The following HSF2 variants were observed in gnomAD, a reference collection of about 807,000 sequenced individuals.
HSF2 encodes heat shock transcription factor 2.
A neutral mutation model predicts 65.0 loss-of-function variants in HSF2; 21 were observed. The observed-to-expected ratio is 0.32, with a 90% confidence interval of 0.23 to 0.47. The LOEUF (loss-of-function observed/expected upper bound fraction) is 0.47, where lower values mean the gene tolerates loss of function less well. HSF2 is among the 20% of genes least tolerant of loss of function. HSF2 has a pLI of 1.00. For synonymous variants in HSF2, 225 were observed against 219.1 expected (o/e 1.03, Z -0.24); for missense variants, 499 against 628.1 (o/e 0.79, Z 2.20).
chr6:122,402,541 A>G (rs1376855743), intron 1 of HSF2, among the ~76,000 whole-genome samples: 1 of 151,892 alleles, frequency 6.6e-6, no homozygotes, highest in Non-Finnish European at 1.5e-5. Flanking sequence ...GGCAGAGACT[A>G]TATCACACTA....
chr6:122,410,227 A>G (rs1773959880), intron 1 of HSF2, among the ~76,000 whole-genome samples: 1 of 151,872 alleles, frequency 6.6e-6, no homozygotes, highest in Non-Finnish European at 1.5e-5. Context: ...TTTAATTAAG[A>G]CAGAATTTAA....
At chr6:122,424,078 T>C (rs1036666269) in intron 10 of HSF2, among the ~76,000 whole-genome samples, 5 of 152,156 alleles carry the variant, frequency 3.3e-5, no homozygotes, top group African/African-American at 1.2e-4. Context: ...TTTGATACTT[T>C]GGGGATTAAC....
intron 3 of HSF2, among the ~76,000 whole-genome samples, chr6:122,413,324 T>A (rs886709674): frequency 2.8e-4 from 4 of 14,110 alleles, no homozygotes; most frequent in East Asian, 2.2e-3. Flanking sequence ...TAAAAAAAAA[T>A]TTTTTTTAAG....
At chr6:122,410,548 A>G (rs868409933) in intron 1 of HSF2, among the ~76,000 whole-genome samples, 5 of 151,748 alleles carry the variant, frequency 3.3e-5, no homozygotes, top group African/African-American at 1.2e-4. Flanking sequence ...GAAACTTTAT[A>G]CCCATTTCAC....
intron 7 of HSF2, among the ~76,000 whole-genome samples, chr6:122,420,895 A>G (rs1389476722): frequency 6.6e-6 from 1 of 150,376 alleles, no homozygotes; most frequent in Non-Finnish European, 1.5e-5. Context: ...TATATTTTGT[A>G]GTGATGGATT....
intron 11 of HSF2, among the ~76,000 whole-genome samples, 159 bp from the exon 12 acceptor site, chr6:122,431,271 T>C (rs1774459514): frequency 6.6e-6 from 1 of 152,124 alleles, no homozygotes; most frequent in Non-Finnish European, 1.5e-5. Flanking sequence ...TCTTGTTATC[T>C]CTACTCAGAT....
Position 122,413,524 on chromosome 6 carries a change from G to A in HSF2, c.331-1G>A. 1 of 1,560,920 alleles carries A rather than the reference G, an allele frequency of 6.4e-7. No individual in the cohort carries two copies. The highest frequency in any genetic ancestry group is 8.8e-7 in the Non-Finnish European group (1 of 1,138,478). The stretch of plus-strand genomic sequence containing the variant: ...GATTTTCTAAATTTACTTTTTCAAA[G>A]GTTTCATCTTCAAAACCAGAAGAAA... On this transcript the variant is annotated splice_acceptor_variant, in intron 3 of 12. Coordinates refer to ENST00000368455, the MANE Select transcript of HSF2 (RefSeq NM_004506.4). LOFTEE classifies it high-confidence loss of function.
chr6:122,420,451 G>A (rs1257542453), intron 7 of HSF2, among the ~76,000 whole-genome samples: 24 of 151,612 alleles, frequency 1.6e-4, no homozygotes, highest in South Asian at 4.2e-4. Context: ...CTCTCTCCCC[G>A]TCTCTTGTCT....
chr6:122,416,930 A>G (rs1774140679), intron 5 of HSF2, among the ~76,000 whole-genome samples: 1 of 152,204 alleles, frequency 6.6e-6, no homozygotes, highest in Non-Finnish European at 1.5e-5. Context: ...GAGATGAAAC[A>G]TAGTAATTAA....
At chr6:122,408,021 C>T (rs491171) in intron 1 of HSF2, among the ~76,000 whole-genome samples, 106,466 of 151,626 alleles carry the variant, frequency 0.7, 37,484 homozygotes, top group South Asian at 0.77. Context: ...ATAAGGACAC[C>T]AACCTAACCT....
chr6:122,399,610 G>C (rs538035361), upstream of HSF2: 17 of 711,592 alleles, frequency 2.4e-5, no homozygotes, highest in East Asian at 1.5e-4. Flanking sequence ...TGGCGGGGTT[G>C]GGGGGGCGGG....
chr6:122,399,613 G>C (rs1395012167), upstream of HSF2: 5 of 740,566 alleles, frequency 6.8e-6, no homozygotes, highest in African/African-American at 3.6e-5. Context: ...CGGGGTTGGG[G>C]GGGCGGGGAC....
chr6:122,411,324 T>A (rs1317977956), intron 1 of HSF2, among the ~76,000 whole-genome samples: 2 of 151,858 alleles, frequency 1.3e-5, no homozygotes, highest in Non-Finnish European at 2.9e-5. Flanking sequence ...TTGTCTTTTG[T>A]TCTTTTTGAA....
At chr6:122,431,074 CTTAG>C (rs1012790926) in intron 11 of HSF2, among the ~76,000 whole-genome samples, 20 of 152,210 alleles carry the variant, frequency 1.3e-4, no homozygotes, top group South Asian at 6.2e-4. Flanking sequence ...AATTTAATTG[CTTAG>C]TTAATTATCT....
rs1487185872 is a variant in HSF2 at position 122,431,417 on chromosome 6, T to TA, written c.1231-13_1231-12insA. On this transcript the variant is annotated splice_polypyrimidine_tract_variant and intron_variant, in intron 11 of 12. Coordinates refer to ENST00000368455, the MANE Select transcript of HSF2 (RefSeq NM_004506.4). ...ATGAAACAAGTACTTATATATATAT[T>TA]TTTTTCTTTTAGTCTGAGAATAAAG... is the stretch of plus-strand genomic sequence containing the variant. The TA allele has an allele frequency of 1.8e-4, 195 of 1,055,946 alleles. 1 individual carries two copies. The highest frequency in any genetic ancestry group is 3.6e-4 in the Admixed American group (13 of 36,278). The allele number at this position is 1,055,946 out of a possible 1,614,324, so 65.4% of individuals were successfully genotyped here.
In HSF2 at chr6:122,433,087, T is replaced by G. The variant is rs1451692231; in HGVS notation, c.*867T>G. On this transcript the variant is annotated 3_prime_UTR_variant, in exon 13 of 13. Transcript: ENST00000368455. ...CTCAATATGAATCATACCAAGATAT[T>G]TGTGCCTCATCTCGAAAATATATTG... The G allele has an allele frequency of 6.6e-6, 1 of 152,198 alleles. No individual in the cohort carries two copies. The highest frequency in any genetic ancestry group is 2.4e-5 in the African/African-American group (1 of 41,450). The allele number at this position is 152,198 out of a possible 1,614,324, so 9.4% of individuals were successfully genotyped here.
rs539621573 is a variant in HSF2, at chr6:122,416,022, TAA to T, written c.456-193_456-192del. Among the ~76,000 whole-genome samples, 74 of 152,068 alleles carry T rather than the reference TAA, an allele frequency of 4.9e-4. 1 individual carries two copies. In the East Asian group the frequency reaches 0.014, roughly 29 times the overall value. On this transcript the variant is annotated intron_variant, in intron 4 of 12. Coordinates refer to ENST00000368455, the MANE Select transcript of HSF2 (RefSeq NM_004506.4). ...ACAGAGCAAAGCTACACCTTTTTTT[TAA>T]AAAAAGAATGATTCAGGAGTTGTGT...
At chr6:122,422,991 T>C in intron 9 of HSF2, 34 bp downstream of exon 9, 1 of 1,608,754 alleles carries the variant, frequency 6.2e-7, no homozygotes, top group Non-Finnish European at 8.5e-7. Flanking sequence ...CTAAAATTAT[T>C]TGCTTTCTTT....
At chr6:122,407,734 A>G (rs553889) in intron 1 of HSF2, among the ~76,000 whole-genome samples, 82,777 of 151,890 alleles carry the variant, frequency 0.54, 22,800 homozygotes, top group South Asian at 0.68. Context: ...CCAATGATCT[A>G]TATTGCCACT....
Sources: allele counts gnomAD v4.1 joint callset (sites outside exome capture counted in the v4.1 genomes callset), GRCh38; gene constraint gnomAD v4.1.1; transcripts MANE v1.5; gene names NCBI Gene and HGNC (gene_info 2026-07-23, HGNC 2026-07-21).